Variants in RYR3 observed in about 807,000 individuals in gnomAD.
RYR3 encodes the protein ryanodine receptor 3.
Under a neutral mutation model 584.3 loss-of-function variants are expected in RYR3, and 207 were observed. That is an observed-to-expected ratio of 0.35 (90% confidence interval 0.32 to 0.40). The LOEUF (loss-of-function observed/expected upper bound fraction) is 0.40, where lower values mean the gene tolerates loss of function less well. Ranked by LOEUF, RYR3 falls within the 10% of genes least tolerant of loss-of-function variation. The pLI is 1.00. For missense variants in RYR3, 5,616 were observed against 6,089.2 expected, an observed-to-expected ratio of 0.92 and a Z score of 2.59; for synonymous variants, 2,416 against 2,248.5, an observed-to-expected ratio of 1.07 and a Z score of -2.11.
rs775218592 is a variant in RYR3, at chr15:33,418,329, G to GT, written c.52-55078dup. Among the ~76,000 whole-genome samples, 1,237 of 143,640 alleles carry GT rather than the reference G, an allele frequency of 8.6e-3. 7 individuals carry two copies. Among genetic ancestry groups the GT allele is most frequent in the African/African-American group, 0.024 (944 of 39,622 alleles). 94.2% of individuals were successfully genotyped at this position (143,640 alleles called of 152,430 possible). The stretch of plus-strand genomic sequence containing the variant: ...GTCCAGGGCTTTTTCTCGTTGGCAG[G>GT]TTTTTTTTTTTTATTATTATTGATT... On this transcript the variant is annotated intron_variant, in intron 1 of 103. Coordinates refer to ENST00000634891, the MANE Select transcript of RYR3 (RefSeq NM_001036.6).
At chr15:33,482,678 G>T (rs2572178) in intron 2 of RYR3, among the ~76,000 whole-genome samples, 2 of 151,978 alleles carry the variant, frequency 1.3e-5, no homozygotes, top group African/African-American at 4.8e-5. Context: ...CTCAGCCTCC[G>T]AAAGTGCTGG....
chr15:33,325,892 C>T (rs1219852763), intron 1 of RYR3, among the ~76,000 whole-genome samples: 2 of 152,088 alleles, frequency 1.3e-5, no homozygotes, highest in African/African-American at 2.4e-5. Flanking sequence ...GCCTCCATCT[C>T]TCGATCTCAA....
At chr15:33,699,253 T>TCC (rs57036072) in intron 40 of RYR3, among the ~76,000 whole-genome samples, 3 of 66,450 alleles carry the variant, frequency 4.5e-5, no homozygotes, top group East Asian at 7.6e-4. Context: ...TCTCTCTCTC[T>TCC]CCCCCCCTTT....
At chr15:33,814,264 A>G (rs1318845551) in intron 74 of RYR3, among the ~76,000 whole-genome samples, 1 of 152,128 alleles carries the variant, frequency 6.6e-6, no homozygotes, top group Admixed American at 6.5e-5. Context: ...ATGTGGTGAC[A>G]TTCCTGTCCT....
intron 1 of RYR3, among the ~76,000 whole-genome samples, chr15:33,382,891 C>A (rs1018121345): frequency 5.3e-5 from 8 of 151,626 alleles, no homozygotes; most frequent in Non-Finnish European, 1.2e-4. Flanking sequence ...TCGTTTCATA[C>A]CCTTTGGTAA....
chr15:33,450,087 T>TAAAAAAACA (rs2046990698), intron 1 of RYR3, among the ~76,000 whole-genome samples: 1 of 67,340 alleles, frequency 1.5e-5, no homozygotes, highest in Non-Finnish European at 2.7e-5. Context: ...CATTAATACC[T>TAAAAAAACA]AAAAAAAAAA....
intron 5 of RYR3, among the ~76,000 whole-genome samples, chr15:33,538,009 T>C (rs1390680960): frequency 6.6e-6 from 1 of 151,998 alleles, no homozygotes; most frequent in African/African-American, 2.4e-5. Context: ...TTTTCCAGGA[T>C]CAGTGAGTAT....
chr15:33,386,275 G>A (rs1365059485), intron 1 of RYR3, among the ~76,000 whole-genome samples: 1 of 152,012 alleles, frequency 6.6e-6, no homozygotes, highest in African/African-American at 2.4e-5. Context: ...TAACTCATTG[G>A]CGTTTCATTC....
intron 12 of RYR3, among the ~76,000 whole-genome samples, chr15:33,574,419 C>T (rs544499688): frequency 2.8e-4 from 43 of 152,288 alleles, no homozygotes; most frequent in African/African-American, 9.9e-4. Context: ...GAGCCTTCAT[C>T]TCATGTACTC....
intron 10 of RYR3, among the ~76,000 whole-genome samples, chr15:33,559,972 G>A (rs1019018151): frequency 1.3e-5 from 2 of 152,286 alleles, no homozygotes; most frequent in Admixed American, 6.5e-5. Context: ...GAGCATTTGG[G>A]ATATAAGAAC....
At chr15:33,728,253 A>G (rs1299434643) in intron 46 of RYR3, among the ~76,000 whole-genome samples, 1 of 152,222 alleles carries the variant, frequency 6.6e-6, no homozygotes, top group Non-Finnish European at 1.5e-5. Flanking sequence ...CTGAACACAG[A>G]GTTGGGAAGA....
At chr15:33,323,175 G>A (rs1056934056) in intron 1 of RYR3, among the ~76,000 whole-genome samples, 1 of 151,908 alleles carries the variant, frequency 6.6e-6, no homozygotes, top group African/African-American at 2.4e-5. Context: ...GCAGTGGCAC[G>A]ATCTCTGCTC....
In RYR3 at chr15:33,533,358, C is replaced by T. The variant is rs2055043735; in HGVS notation, c.402C>T (p.Ala134=). Residue 134 remains alanine, a synonymous_variant, in exon 5 of 104, where the codon GCC becomes GCT. Transcript: ENST00000634891. Reference sequence around the variant, plus strand: ...CAAGATCCCAGACAGACAAACTTGCCTTTGATGTAGGTCTACGGGAACATG... The same window carrying T: ...CAAGATCCCAGACAGACAAACTTGCTTTTGATGTAGGTCTACGGGAACATG... ...TTSRSQTDKL[A]FDVGLREHAT... The T allele has an allele frequency of 6.2e-7, 1 of 1,609,010 alleles. No homozygotes were observed. The highest frequency in any genetic ancestry group is 1.1e-5 in the South Asian group (1 of 89,554).
intron 1 of RYR3, among the ~76,000 whole-genome samples, chr15:33,336,462 GA>G (rs1567046630): frequency 1.1e-4 from 4 of 34,790 alleles, no homozygotes; most frequent in African/African-American, 2.9e-4. Context: ...GAGAGAGAGA[GA>G]GAGAGAGAGA....
intron 1 of RYR3, among the ~76,000 whole-genome samples, chr15:33,339,561 G>A (rs1971550769): frequency 6.6e-6 from 1 of 152,138 alleles, no homozygotes; most frequent in South Asian, 2.1e-4. Context: ...GCCTCAGAAG[G>A]CAAGGATTTC....
chr15:33,490,805 C>T (rs2050904845), intron 2 of RYR3, among the ~76,000 whole-genome samples: 1 of 149,494 alleles, frequency 6.7e-6, no homozygotes, highest in South Asian at 2.1e-4. Context: ...AGAATTTTTA[C>T]AACCTTCTCT....
chr15:33,494,781 T>A (rs1409464808), intron 2 of RYR3, among the ~76,000 whole-genome samples: 1 of 152,242 alleles, frequency 6.6e-6, no homozygotes, highest in Non-Finnish European at 1.5e-5. Flanking sequence ...ATAGCTTCTA[T>A]AGTTTTCTTC....
chr15:33,654,747 G>C (rs1384059824), intron 32 of RYR3, among the ~76,000 whole-genome samples: 1 of 152,086 alleles, frequency 6.6e-6, no homozygotes, highest in East Asian at 1.9e-4. Context: ...CCGTACTTAG[G>C]GCATCCAACA....
At position 33,757,566 on chromosome 15, in the gene RYR3, C is replaced by T; in HGVS notation, c.8675C>T (p.Ala2892Val). The change falls in exon 60 of 104, where the codon GCC becomes GTC. Residue 2892 changes from alanine (A) to valine (V), a missense_variant. Transcript: ENST00000634891. ...PLKPLSSSGY[A>V]SHKEKEMVAG... Reference sequence around the variant, plus strand: ...AAGCCCCTTAGCAGCAGCGGATATGCCTCCCATAAGGAGAAAGAAATGGTG... The same window carrying T: ...AAGCCCCTTAGCAGCAGCGGATATGTCTCCCATAAGGAGAAAGAAATGGTG... The T allele has an allele frequency of 6.2e-7, 1 of 1,610,932 alleles. No individual in the cohort carries two copies. Among genetic ancestry groups the T allele is most frequent in the Non-Finnish European group, 8.5e-7 (1 of 1,178,830 alleles).
Sources: gnomAD v4.1 joint callset for allele counts (sites outside exome capture counted in the v4.1 genomes callset) on GRCh38, gnomAD v4.1.1 for gene constraint, MANE v1.5 for transcripts, NCBI Gene and HGNC (gene_info 2026-07-23, HGNC 2026-07-21) for gene names.